Variants in CDH10 observed in about 807,000 individuals in gnomAD.
The protein encoded by CDH10 is cadherin-10.
Under a neutral mutation model 73.1 loss-of-function variants are expected in CDH10, and 30 were observed. That is an observed-to-expected ratio of 0.41 (90% CI 0.31 to 0.56). The LOEUF (loss-of-function observed/expected upper bound fraction) is 0.56, where lower values mean the gene tolerates loss of function less well. Among genes scored for constraint, CDH10 ranks in the 20% least tolerant of loss-of-function variants. The probability of loss-of-function intolerance (pLI) is 0.27; values close to 1 mark genes in which losing one functional copy is unlikely to be tolerated. For missense variants in CDH10, 815 were observed against 973.7 expected (o/e 0.84, Z 2.17); for synonymous variants, 345 against 348.2 (o/e 0.99, Z 0.10).
chr5:24,604,511 G>C (rs1049139750), intron 1 of CDH10, among the ~76,000 whole-genome samples: 3 of 152,068 alleles, frequency 2.0e-5, no homozygotes, highest in Non-Finnish European at 2.9e-5. Context: ...GAAAAAAACT[G>C]ACAAATTGCA....
At position 24,627,047 on chromosome 5, in the gene CDH10, G is replaced by A. The variant is rs575709739; in HGVS notation, c.-124+17547C>T. Among the ~76,000 whole-genome samples the A allele has an allele frequency of 2.8e-4, 43 of 151,632 alleles. 1 individual carries two copies. The East Asian group carries it at 6.8e-3, about 24-fold the overall frequency. On this transcript the variant is annotated intron_variant, in intron 1 of 11. Coordinates refer to ENST00000264463, the MANE Select transcript of CDH10 (RefSeq NM_006727.5). ...CCTTCTACCCAGAAGCAACCATTGT[G>A]ACCATTTTCCTGTATATAATTAAAA... is the stretch of plus-strand genomic sequence containing the variant.
At chr5:24,614,312 A>G (rs1398446044) in intron 1 of CDH10, among the ~76,000 whole-genome samples, 2 of 152,242 alleles carry the variant, frequency 1.3e-5, no homozygotes, top group Non-Finnish European at 2.9e-5. Context: ...CTGGCATTAC[A>G]CAGCACACAA....
intron 1 of CDH10, among the ~76,000 whole-genome samples, chr5:24,604,053 A>T (rs1746663264): frequency 6.6e-6 from 1 of 152,212 alleles, no homozygotes; most frequent in African/African-American, 2.4e-5. Flanking sequence ...TTGAAATAAA[A>T]ATAAAAATTA....
chr5:24,607,644 G>A (rs750397083), intron 1 of CDH10, among the ~76,000 whole-genome samples: 2 of 152,128 alleles, frequency 1.3e-5, no homozygotes, highest in Admixed American at 6.5e-5. Flanking sequence ...AGGGATGTCC[G>A]TTAGTTTTTT....
intron 1 of CDH10, among the ~76,000 whole-genome samples, chr5:24,628,549 C>T (rs953393719): frequency 3.3e-5 from 5 of 152,114 alleles, no homozygotes; most frequent in African/African-American, 9.7e-5. Context: ...TGTATATTAA[C>T]ACCAACAGCC....
intron 2 of CDH10, among the ~76,000 whole-genome samples, chr5:24,554,576 C>T (rs1196866944): frequency 1.3e-5 from 2 of 151,156 alleles, no homozygotes; most frequent in African/African-American, 4.9e-5. Context: ...GATAATTCAA[C>T]TAGTTATATA....
intron 2 of CDH10, among the ~76,000 whole-genome samples, chr5:24,592,421 A>G (rs1052591034): frequency 3.3e-5 from 5 of 151,634 alleles, no homozygotes; most frequent in Non-Finnish European, 5.9e-5. Context: ...ATCTATAAAA[A>G]TAATAATATT....
chr5:24,586,705 A>G (rs1746014359), intron 2 of CDH10, among the ~76,000 whole-genome samples: 1 of 151,748 alleles, frequency 6.6e-6, no homozygotes, highest in African/African-American at 2.4e-5. Context: ...TTGACCTCCC[A>G]AAGTGCTGGG....
intron 1 of CDH10, among the ~76,000 whole-genome samples, chr5:24,625,554 TATATATATTCATATATATAC>T (rs1469746943): frequency 1.1e-5 from 1 of 88,230 alleles, no homozygotes; most frequent in Non-Finnish European, 3.1e-5. Flanking sequence ...TCTGTATATA[TATATATATTCATATATATAC>T]ATATATTCAT....
At position 24,509,788 on chromosome 5, in the gene CDH10, G is replaced by A. The variant is rs182867464; in HGVS notation, c.1034C>T (p.Thr345Ile). 5.5e-5 allele frequency: 88 copies of A among 1,611,382 alleles called. 2 individuals carry two copies. In the Middle Eastern group the frequency reaches 5.8e-3, roughly 106 times the overall value. ...GGTGTTTTCTGCTTCGACTTTCAGAGTATAAAGTCTTCGGCTCTCATAGTC... is the reference window on the plus strand; with the variant it reads ...GGTGTTTTCTGCTTCGACTTTCAGAATATAAAGTCTTCGGCTCTCATAGTC... ...PLDYESRRLYTLKVEAENTHV... is the reference protein window; with the variant it reads ...PLDYESRRLYILKVEAENTHV... Residue 345 changes from threonine to isoleucine, a missense_variant, in exon 7 of 12, where the codon ACT becomes ATT. Physicochemically the swap from Thr to Ile is moderately conservative, Grantham distance 89. Around this residue, in one of 3 missense-constraint regions of CDH10, gnomAD observed 516 missense variants for 636.6 expected, o/e 0.81. Transcript: ENST00000264463.
chr5:24,538,828 T>C (rs1324407033), intron 2 of CDH10, among the ~76,000 whole-genome samples: 4 of 152,084 alleles, frequency 2.6e-5, no homozygotes, highest in Non-Finnish European at 5.9e-5. Context: ...GAATTCTTAC[T>C]CTGAAAAGTA....
At chr5:24,593,663 A>G in intron 1 of CDH10, 50 bp from the exon 2 acceptor site, 1 of 543,644 alleles carries the variant, frequency 1.8e-6, no homozygotes, top group South Asian at 2.7e-5. Context: ...CATTATCATT[A>G]TTACTTTTCA....
intron 1 of CDH10, among the ~76,000 whole-genome samples, chr5:24,606,989 C>T (rs1746783866): frequency 1.3e-5 from 2 of 152,182 alleles, no homozygotes; most frequent in African/African-American, 4.8e-5. Flanking sequence ...AAACAACAGA[C>T]TAAGCCTAAC....
chr5:24,510,200 T>C (rs1012337502), intron 6 of CDH10, among the ~76,000 whole-genome samples: 6 of 152,220 alleles, frequency 3.9e-5, no homozygotes, highest in African/African-American at 1.2e-4. Context: ...AGTAAATACA[T>C]GCAGTTATCT....
intron 2 of CDH10, among the ~76,000 whole-genome samples, chr5:24,565,746 CTCTA>C (rs1477103238): frequency 4.0e-5 from 6 of 151,840 alleles, no homozygotes; most frequent in Non-Finnish European, 8.8e-5. Context: ...CGCTCTCTGT[CTCTA>C]TCTCTCTCTT....
intron 5 of CDH10, among the ~76,000 whole-genome samples, chr5:24,527,981 T>G (rs1743592744): frequency 6.6e-6 from 1 of 151,922 alleles, no homozygotes. Context: ...ACAATTACAG[T>G]TCATTTTTAT....
chr5:24,489,581 G>A (rs1400777389), intron 11 of CDH10, among the ~76,000 whole-genome samples: 1 of 152,084 alleles, frequency 6.6e-6, no homozygotes, highest in African/African-American at 2.4e-5. Context: ...TAATGTTGAG[G>A]ATAATGACAA....
rs530338033 is a variant in CDH10, at chr5:24,524,135, G to A, written c.814+10977C>T. 2.6e-5 allele frequency among the ~76,000 whole-genome samples: 4 copies of A among 152,106 alleles called. No individual in the cohort carries two copies. In the East Asian group the frequency reaches 5.8e-4, roughly 22 times the overall value. On this transcript the variant is annotated intron_variant, in intron 5 of 11. Transcript: ENST00000264463. The stretch of plus-strand genomic sequence containing the variant: ...AGTTCCCTACATACAGAAGTTAATC[G>A]TGCTTTCTCTGGAATTATGTTTATG...
Position 24,562,756 on chromosome 5 carries a change from G to A in CDH10, c.232-25082C>T, listed in dbSNP as rs1052388955. Among the ~76,000 whole-genome samples, 10 of 152,050 alleles carry A rather than the reference G, an allele frequency of 6.6e-5. 1 individual carries two copies. Among genetic ancestry groups the A allele is most frequent in the Non-Finnish European group, 8.8e-5 (6 of 67,996 alleles). ...CCTAACACTAGAGATCCTAACCACT[G>A]GGATTAGTAAATAGAAATACAATCA... On this transcript the variant is annotated intron_variant, in intron 2 of 11. Transcript: ENST00000264463.
Sources: allele counts gnomAD v4.1 joint callset (sites outside exome capture counted in the v4.1 genomes callset), GRCh38; gene constraint gnomAD v4.1.1; regional missense constraint gnomAD v4.1.1; transcripts MANE v1.5; gene names NCBI Gene and HGNC (gene_info 2026-07-23, HGNC 2026-07-21).